The following IL1RAPL1 variants were observed in gnomAD, a reference collection of about 807,000 sequenced individuals.
The protein encoded by IL1RAPL1 is interleukin 1 receptor accessory protein like 1.
Under a neutral mutation model 48.4 loss-of-function variants are expected in IL1RAPL1, and 3 were observed. The observed-to-expected ratio is 0.06, with a 90% CI of 0.03 to 0.16. The LOEUF (loss-of-function observed/expected upper bound fraction) is 0.16, where lower values mean the gene tolerates loss of function less well. IL1RAPL1 is among the 10% of genes least tolerant of loss of function. The pLI is 1.00. For synonymous variants in IL1RAPL1, 185 were observed against 187.7 expected, an observed-to-expected ratio of 0.99 and a Z score of 0.12; for missense variants, 349 against 530.6, an observed-to-expected ratio of 0.66 and a Z score of 3.36.
At chrX:29,414,052 A>G (rs993702145) in intron 5 of IL1RAPL1, among the ~76,000 whole-genome samples, 7 of 110,894 alleles carry the variant, frequency 6.3e-5, no homozygotes, top group African/African-American at 9.8e-5. Flanking sequence ...ATTATTTTCT[A>G]TTTTACAAAA....
intron 1 of IL1RAPL1, among the ~76,000 whole-genome samples, chrX:28,722,024 A>G (rs1456118322): frequency 1.8e-5 from 2 of 111,560 alleles, no homozygotes; most frequent in East Asian, 2.8e-4. Flanking sequence ...GAAGTCAGGT[A>G]GCATGATGCC....
chrX:29,087,187 G>A (rs924455975), intron 2 of IL1RAPL1, among the ~76,000 whole-genome samples: 1 of 102,498 alleles, frequency 9.8e-6, no homozygotes, highest in Non-Finnish European at 2.0e-5. Flanking sequence ...CGCCAGGCTG[G>A]AGTGCAGTGG....
chrX:29,006,017 T>C (rs1196053777), intron 2 of IL1RAPL1, among the ~76,000 whole-genome samples: 1 of 111,284 alleles, frequency 9.0e-6, no homozygotes, highest in African/African-American at 3.3e-5. Context: ...ATATGCTGGC[T>C]ATCTTAGTGT....
intron 1 of IL1RAPL1, among the ~76,000 whole-genome samples, chrX:28,645,951 T>C (rs983631134): frequency 8.9e-6 from 1 of 111,853 alleles, no homozygotes; most frequent in Non-Finnish European, 1.9e-5. Context: ...CCTTGGCAAA[T>C]GCATATAACC....
intron 2 of IL1RAPL1, among the ~76,000 whole-genome samples, chrX:28,805,760 G>A (rs1292160208): frequency 2.7e-5 from 3 of 110,379 alleles, no homozygotes. Context: ...ATATATGATC[G>A]CTGCATTTTA....
At chrX:29,333,739 C>A (rs1414697580) in intron 3 of IL1RAPL1, among the ~76,000 whole-genome samples, 1 of 75,672 alleles carries the variant, frequency 1.3e-5, no homozygotes, top group Non-Finnish European at 2.6e-5. Flanking sequence ...CCGGACGGGG[C>A]GGCTGGCCGG....
intron 5 of IL1RAPL1, among the ~76,000 whole-genome samples, chrX:29,627,571 C>T (rs758612690): frequency 8.9e-6 from 1 of 111,792 alleles, no homozygotes; most frequent in African/African-American, 3.2e-5. Context: ...AAGAAAATTT[C>T]GTCTCACGTA....
intron 2 of IL1RAPL1, among the ~76,000 whole-genome samples, chrX:28,885,009 A>G (rs1922594418): frequency 9.0e-6 from 1 of 111,528 alleles, no homozygotes; most frequent in African/African-American, 3.3e-5. Flanking sequence ...TCAACAGTTA[A>G]TGAGGAAACC....
rs139688913 is a variant in IL1RAPL1, at chrX:29,407,075, T to C, written c.703+7767T>C. Among the ~76,000 whole-genome samples the C allele has an allele frequency of 3.3e-3, 374 of 112,044 alleles. 2 individuals are homozygous for C. The highest frequency in any genetic ancestry group is 0.011 in the African/African-American group (346 of 30,863). ...AGAAATACAGAATCCAGTACATATT[T>C]TTACTTATTTCTTTTAATAATAACA... On this transcript the variant is annotated intron_variant, in intron 5 of 10. Transcript: ENST00000378993.
chrX:28,719,268 G>C (rs1031217240), intron 1 of IL1RAPL1, among the ~76,000 whole-genome samples: 1 of 111,070 alleles, frequency 9.0e-6, no homozygotes, highest in Admixed American at 9.7e-5. Flanking sequence ...ATACAAGGTT[G>C]TTATAAATCA....
chrX:29,180,179 C>A (rs764646651), intron 2 of IL1RAPL1, among the ~76,000 whole-genome samples: 7 of 108,504 alleles, frequency 6.5e-5, no homozygotes, highest in Non-Finnish European at 1.1e-4. Flanking sequence ...GATAGCATCA[C>A]ATATAAGGAT....
intron 5 of IL1RAPL1, among the ~76,000 whole-genome samples, chrX:29,622,161 A>C (rs1924482205): frequency 8.9e-6 from 1 of 112,324 alleles, no homozygotes; most frequent in African/African-American, 3.2e-5. Flanking sequence ...TTAGGCCTGG[A>C]TTGACTTTAG....
At chrX:28,728,893 C>G (rs763641149) in intron 1 of IL1RAPL1, among the ~76,000 whole-genome samples, 1 of 111,254 alleles carries the variant, frequency 9.0e-6, no homozygotes, top group Non-Finnish European at 1.9e-5. Flanking sequence ...GATATTATGG[C>G]TATTCTAAAT....
intron 5 of IL1RAPL1, among the ~76,000 whole-genome samples, chrX:29,505,513 A>T (rs1935318625): frequency 9.0e-6 from 1 of 111,447 alleles, no homozygotes; most frequent in Non-Finnish European, 1.9e-5. Flanking sequence ...GTTTTGCCAG[A>T]TAAAGTGTTT....
At chrX:28,643,420 A>G (rs1044509462) in intron 1 of IL1RAPL1, among the ~76,000 whole-genome samples, 1 of 111,247 alleles carries the variant, frequency 9.0e-6, no homozygotes, top group African/African-American at 3.3e-5. Context: ...GTCACATACC[A>G]TCACGTCTAC....
rs1262144937 is a variant in IL1RAPL1 at position 28,768,747 on chromosome X, CTCTCTCTCTATA to C, written c.-24-20571_-24-20560del. Among the ~76,000 whole-genome samples the C allele has an allele frequency of 9.4e-4, 67 of 70,900 alleles. 1 individual carries two copies. The highest frequency in any genetic ancestry group is 3.7e-3 in the African/African-American group (65 of 17,634). 61.6% of individuals were successfully genotyped at this position (70,900 alleles called of 115,157 possible). A position where few individuals can be genotyped will look rare whatever the true frequency, so the allele number is the denominator to read the frequency against. Reference sequence around the variant, plus strand: ...TCTCTCTGTCTCTCTCTCTCTCTCTCTCTCTCTCTATATATATATATATATATATATACACAC... The same window carrying C: ...TCTCTCTGTCTCTCTCTCTCTCTCTCTATATATATATATATATATACACAC... On this transcript the variant is annotated intron_variant, in intron 1 of 10. Coordinates refer to ENST00000378993, the MANE Select transcript of IL1RAPL1 (RefSeq NM_014271.4).
chrX:28,601,238 G>A (rs1002035034), intron 1 of IL1RAPL1, among the ~76,000 whole-genome samples: 2 of 110,934 alleles, frequency 1.8e-5, no homozygotes, highest in Non-Finnish European at 3.8e-5. Context: ...GGCCAACATG[G>A]TGAAACCCTG....
At chrX:29,782,021 G>A (rs2147156963) in intron 6 of IL1RAPL1, among the ~76,000 whole-genome samples, 1 of 110,965 alleles carries the variant, frequency 9.0e-6, no homozygotes, top group Non-Finnish European at 1.9e-5. Context: ...TGATTGATTG[G>A]TTGTTTTAGA....
chrX:29,226,557 C>T lies in IL1RAPL1; in HGVS notation c.83-56381C>T, dbSNP rs374463439. On this transcript the variant is annotated intron_variant, in intron 2 of 10. Transcript: ENST00000378993. Reference sequence around the variant, plus strand: ...AAGCAATTTTCCTTCCTTAGCCTCCCGAGTAGCTGGGATTACAGTGCCCGC... The same window carrying T: ...AAGCAATTTTCCTTCCTTAGCCTCCTGAGTAGCTGGGATTACAGTGCCCGC... Among the ~76,000 whole-genome samples, 5 of 107,374 alleles carry T rather than the reference C, an allele frequency of 4.7e-5. No homozygotes were observed. In the East Asian group the frequency reaches 8.7e-4, roughly 19 times the overall value. 93.2% of individuals were successfully genotyped at this position (107,374 alleles called of 115,157 possible).
Sources: gnomAD v4.1 joint callset for allele counts (sites outside exome capture counted in the v4.1 genomes callset) on GRCh38, gnomAD v4.1.1 for gene constraint, MANE v1.5 for transcripts, NCBI Gene and HGNC (gene_info 2026-07-23, HGNC 2026-07-21) for gene names.